The following SEPTIN2 variants were observed in gnomAD, a reference collection of about 807,000 sequenced individuals.
SEPTIN2 encodes septin-2.
SEPTIN2 carries 34 observed loss-of-function variants against 46.5 expected under a neutral mutation model. The ratio of observed to expected loss-of-function variants is 0.73; its 90% CI spans 0.56 to 0.97. The LOEUF (loss-of-function observed/expected upper bound fraction) is 0.97, where lower values mean the gene tolerates loss of function less well. Ranked by LOEUF, SEPTIN2 falls within the 50% of genes least tolerant of loss-of-function variation. The pLI is 0.00. For synonymous variants in SEPTIN2, 175 were observed against 153.4 expected (o/e 1.14, Z -1.04); for missense variants, 347 against 448.4 (o/e 0.77, Z 2.04).
chr2:241,330,121 A>G (rs1330221396), intron 3 of SEPTIN2, among the ~76,000 whole-genome samples: 1 of 152,206 alleles, frequency 6.6e-6, no homozygotes, highest in East Asian at 1.9e-4. Context: ...CTAGACATGG[A>G]CATCTTAATT....
At chr2:241,321,392 C>G (rs769278920) in intron 1 of SEPTIN2, among the ~76,000 whole-genome samples, 3 of 152,008 alleles carry the variant, frequency 2.0e-5, no homozygotes, top group Non-Finnish European at 2.9e-5. Context: ...ATCATTATAG[C>G]TTGTTATCCC....
intron 11 of SEPTIN2, among the ~76,000 whole-genome samples, chr2:241,348,462 C>T (rs954795864): frequency 6.6e-6 from 1 of 152,146 alleles, no homozygotes; most frequent in Non-Finnish European, 1.5e-5. Context: ...AACTCCTAAC[C>T]TCAGGTGATC....
At chr2:241,340,337 C>A (rs897525179) in intron 7 of SEPTIN2, among the ~76,000 whole-genome samples, 1 of 152,150 alleles carries the variant, frequency 6.6e-6, no homozygotes, top group Non-Finnish European at 1.5e-5. Flanking sequence ...AACACATATA[C>A]TTATTTTTAG....
chr2:241,333,044 C>T (rs1416645920), intron 3 of SEPTIN2, among the ~76,000 whole-genome samples: 1 of 152,164 alleles, frequency 6.6e-6, no homozygotes, highest in Non-Finnish European at 1.5e-5. Context: ...GTTTGATTAT[C>T]TGAGTATCTA....
chr2:241,350,212 T>C lies in SEPTIN2; in HGVS notation c.*29+9T>C. 4 of 1,517,670 alleles carry C rather than the reference T, an allele frequency of 2.6e-6. No homozygotes were observed. In the South Asian group the frequency reaches 4.9e-5, roughly 19 times the overall value. 94.0% of individuals were successfully genotyped at this position (1,517,670 alleles called of 1,614,324 possible). ...ATATCAAGAAGTCAGAGGTAGGCCC[T>C]GTTGTCCCTTAGCCTGGAAGACAGG... On this transcript the variant is annotated intron_variant, in intron 12 of 12. Transcript: ENST00000391971.
chr2:241,338,626 TAATA>T (rs1015568429), intron 7 of SEPTIN2, among the ~76,000 whole-genome samples: 3 of 131,410 alleles, frequency 2.3e-5, no homozygotes, highest in Admixed American at 1.9e-4. Flanking sequence ...AATATATAAT[TAATA>T]AATATATATA....
chr2:241,316,634 C>T, intron 1 of SEPTIN2: 1 of 1,058,978 alleles, frequency 9.4e-7, no homozygotes, highest in Non-Finnish European at 1.3e-6. Flanking sequence ...AAACCTGTGG[C>T]TTCCGTGGTC....
At chr2:241,340,212 C>A (rs2081070596) in intron 7 of SEPTIN2, among the ~76,000 whole-genome samples, 1 of 152,164 alleles carries the variant, frequency 6.6e-6, no homozygotes, top group Non-Finnish European at 1.5e-5. Flanking sequence ...GAAATTGTAT[C>A]TCATTTGAAT....
Position 241,326,265 on chromosome 2 carries a change from A to G in SEPTIN2, c.130+152A>G, listed in dbSNP as rs982914696. 1.6e-5 allele frequency: 10 copies of G among 622,170 alleles called. No individual in the cohort carries two copies. The African/African-American group carries it at 1.9e-4, about 12-fold the overall frequency. 38.5% of individuals were successfully genotyped at this position (622,170 alleles called of 1,614,324 possible). Reference sequence around the variant, plus strand: ...GAACAAATATATGTGTATTCATTAGAAAATTTTTCTCAGGAGCAAAATTAT... The same window carrying G: ...GAACAAATATATGTGTATTCATTAGGAAATTTTTCTCAGGAGCAAAATTAT... On this transcript the variant is annotated intron_variant, in intron 3 of 12. Transcript: ENST00000391971.
intron 3 of SEPTIN2, among the ~76,000 whole-genome samples, chr2:241,334,709 A>G (rs1163005233): frequency 6.6e-6 from 1 of 152,238 alleles, no homozygotes; most frequent in Non-Finnish European, 1.5e-5. Context: ...TGTTGACACT[A>G]TGGGATAGAT....
chr2:241,324,535 G>A (rs1436975039), intron 2 of SEPTIN2: 4 of 439,280 alleles, frequency 9.1e-6, no homozygotes, highest in South Asian at 7.4e-5. Flanking sequence ...CTGCAGACAC[G>A]TGCCACCACG....
chr2:241,345,011 G>T (rs979155821), intron 9 of SEPTIN2, among the ~76,000 whole-genome samples: 3 of 151,926 alleles, frequency 2.0e-5, no homozygotes, highest in South Asian at 4.2e-4. Flanking sequence ...CTACTTGGGA[G>T]GCTGAGGCAG....
intron 3 of SEPTIN2, among the ~76,000 whole-genome samples, chr2:241,329,804 CAGA>C (rs1027823402): frequency 3.3e-5 from 5 of 152,116 alleles, no homozygotes; most frequent in African/African-American, 1.2e-4. Context: ...GAGGCAAAGG[CAGA>C]GGAGAACAAA....
chr2:241,333,545 A>C (rs2079380752), intron 3 of SEPTIN2, among the ~76,000 whole-genome samples: 1 of 152,170 alleles, frequency 6.6e-6, no homozygotes, highest in Non-Finnish European at 1.5e-5. Context: ...AGTCTCGCTC[A>C]GTCGCCCACG....
At chr2:241,344,393 G>A (rs553907729) in intron 9 of SEPTIN2, among the ~76,000 whole-genome samples, 150 of 152,270 alleles carry the variant, frequency 9.9e-4, no homozygotes, top group African/African-American at 3.5e-3. Flanking sequence ...TACAAAAATA[G>A]TCTTCTTTAA....
intron 1 of SEPTIN2, among the ~76,000 whole-genome samples, chr2:241,318,874 T>A (rs1050931788): frequency 6.6e-6 from 1 of 152,058 alleles, no homozygotes; most frequent in African/African-American, 2.4e-5. Flanking sequence ...ATTTTTGTAT[T>A]TTTGGTAGAG....
intron 10 of SEPTIN2, among the ~76,000 whole-genome samples, chr2:241,347,652 T>C (rs535937838): frequency 3.3e-5 from 5 of 152,372 alleles, no homozygotes; most frequent in Non-Finnish European, 5.9e-5. Context: ...GAAAAGTCTC[T>C]TGAATGTTCC....
At chr2:241,324,139 G>C in intron 1 of SEPTIN2, 77 bp from the exon 2 acceptor site, 1 of 1,361,066 alleles carries the variant, frequency 7.3e-7, no homozygotes. Flanking sequence ...GTCAGTTCAC[G>C]CTGTTAAATA....
At chr2:241,338,772 AT>A (rs1559642747) in intron 7 of SEPTIN2, among the ~76,000 whole-genome samples, 1 of 30,478 alleles carries the variant, frequency 3.3e-5, no homozygotes, top group African/African-American at 6.9e-5. Flanking sequence ...TTGTTTATAT[AT>A]ATTATATTTA....
Sources: gnomAD v4.1 joint callset for allele counts (sites outside exome capture counted in the v4.1 genomes callset) on GRCh38, gnomAD v4.1.1 for gene constraint, MANE v1.5 for transcripts, NCBI Gene and HGNC (gene_info 2026-07-23, HGNC 2026-07-21) for gene names.